Variants in MRPS35 observed in about 807,000 individuals in gnomAD.
MRPS35 encodes the protein small ribosomal subunit protein mS35.
Under a neutral mutation model 32.7 loss-of-function variants are expected in MRPS35, and 29 were observed. That is an observed-to-expected ratio of 0.89 (90% CI 0.66 to 1.21). The LOEUF is 1.21. Among genes scored for constraint, MRPS35 ranks in the 50% most tolerant of loss-of-function variants. MRPS35 has a pLI of 0.00. For missense variants in MRPS35, 373 were observed against 383.8 expected (o/e 0.97, Z 0.23); for synonymous variants, 148 against 139.3 (o/e 1.06, Z -0.44).
intron 5 of MRPS35, among the ~76,000 whole-genome samples, chr12:27,728,373 T>C (rs1405402097): frequency 1.3e-5 from 2 of 152,106 alleles, no homozygotes; most frequent in Non-Finnish European, 2.9e-5. Context: ...ATTTAGTAAT[T>C]AATATTTTGA....
intron 6 of MRPS35, among the ~76,000 whole-genome samples, chr12:27,736,553 G>A (rs530786379): frequency 6.6e-6 from 1 of 151,094 alleles, no homozygotes; most frequent in Non-Finnish European, 1.5e-5. Flanking sequence ...TATGTTTTAT[G>A]GTAACTATTT....
intron 5 of MRPS35, among the ~76,000 whole-genome samples, chr12:27,728,509 C>T (rs1342268662): frequency 6.6e-6 from 1 of 151,976 alleles, no homozygotes; most frequent in African/African-American, 2.4e-5. Context: ...TATTTAATTC[C>T]AATACTATTA....
intron 4 of MRPS35, among the ~76,000 whole-genome samples, chr12:27,721,552 G>A (rs1056304650): frequency 2.0e-5 from 3 of 152,046 alleles, no homozygotes; most frequent in South Asian, 2.1e-4. Context: ...CCGGCTACTC[G>A]GGGGCCTGAG....
In MRPS35 at chr12:27,755,351, G is replaced by A. The variant is rs775199801; in HGVS notation, c.873G>A (p.Glu291=). 7 of 1,603,730 alleles carry A rather than the reference G, an allele frequency of 4.4e-6. No individual in the cohort carries two copies. The highest frequency in any genetic ancestry group is 5.9e-6 in the Non-Finnish European group (7 of 1,177,046). ...TCCTTGGTACTAAAGAAATTGAAGA[G>A]TACAAAAAGTCTGTTGTTAGTCTTA... is the stretch of plus-strand genomic sequence containing the variant. The part of the protein sequence containing the change: ...EELLGTKEIE[E]YKKSVVSLKN... The change falls in exon 8 of 8, where the codon GAG becomes GAA. Residue 291 remains glutamate, a synonymous_variant. Transcript: ENST00000081029.
At chr12:27,754,675 G>A (rs2062019046) in intron 7 of MRPS35, among the ~76,000 whole-genome samples, 1 of 150,800 alleles carries the variant, frequency 6.6e-6, no homozygotes, top group African/African-American at 2.5e-5. Flanking sequence ...CCTGAGGTGG[G>A]AGAATCACCT....
At chr12:27,733,001 T>G (rs1230274892) in intron 5 of MRPS35, among the ~76,000 whole-genome samples, 29 of 15,090 alleles carry the variant, frequency 1.9e-3, no homozygotes, top group Middle Eastern at 0.025. Flanking sequence ...TATATATATA[T>G]ATATATATAT....
intron 7 of MRPS35, among the ~76,000 whole-genome samples, chr12:27,749,013 A>G (rs1444277870): frequency 6.6e-6 from 1 of 152,238 alleles, no homozygotes; most frequent in Non-Finnish European, 1.5e-5. Context: ...ATAGTGAACT[A>G]TAAGTCAGGG....
chr12:27,725,798 C>CTTTTTTTTTTTTTTTTTTTTTTTT (rs1176188580), intron 5 of MRPS35: 1 of 68,242 alleles, frequency 1.5e-5, no homozygotes, highest in Non-Finnish European at 2.4e-5. Context: ...CCTTGTATAC[C>CTTTTTTTTTTTTTTTTTTTTTTTT]TTTTTTTTTT....
At chr12:27,711,663 C>T (rs963336431) in intron 1 of MRPS35, among the ~76,000 whole-genome samples, 4 of 151,824 alleles carry the variant, frequency 2.6e-5, no homozygotes, top group Admixed American at 2.6e-4. Flanking sequence ...AGGTGACCAT[C>T]TCATTTCTAC....
intron 7 of MRPS35, chr12:27,752,889 A>G (rs368823379): frequency 1.1e-4 from 16 of 152,310 alleles, no homozygotes; most frequent in East Asian, 9.6e-4. Flanking sequence ...GTCTAAAGGT[A>G]GTGAGTTATC....
rs527669453 is a variant in MRPS35 at position 27,714,968 on chromosome 12, G to A, written c.153+148G>A. ...ATTGCCATAGCCCTGGCAGAGGTTA[G>A]TCTTTGTTTTTTGTCAGTACCCAGA... On this transcript the variant is annotated intron_variant, in intron 2 of 7. Transcript: ENST00000081029. 441 of 665,978 alleles carry A rather than the reference G, an allele frequency of 6.6e-4. 2 individuals are homozygous for A. The highest frequency in any genetic ancestry group is 9.3e-4 in the Non-Finnish European group (366 of 391,532). 41.3% of individuals were successfully genotyped at this position (665,978 alleles called of 1,614,324 possible). A position where few individuals can be genotyped will look rare whatever the true frequency, so the allele number is the denominator to read the frequency against.
intron 5 of MRPS35, among the ~76,000 whole-genome samples, chr12:27,731,034 A>G (rs922560214): frequency 6.6e-6 from 1 of 152,192 alleles, no homozygotes; most frequent in Non-Finnish European, 1.5e-5. Context: ...TTATATCAGT[A>G]TGGACTCATG....
At chr12:27,738,424 G>A (rs1279525610) in intron 7 of MRPS35, among the ~76,000 whole-genome samples, 2 of 152,122 alleles carry the variant, frequency 1.3e-5, no homozygotes, top group African/African-American at 4.8e-5. Context: ...GATTAGTAAT[G>A]CTAAACCTGT....
chr12:27,716,382 C>CA lies in MRPS35; in HGVS notation c.245_246insA (p.Leu83SerfsTer38). On this transcript the variant is annotated frameshift_variant, in exon 3 of 8. Transcript: ENST00000081029. LOFTEE classifies it high-confidence loss of function. ...GCACCATTTAAACCCTCTGCAGTAC[C>CA]TCTTCCTGTTCGAATGGGTTATCCA... 6.2e-7 allele frequency: 1 copy of CA among 1,614,192 alleles called. No homozygotes were observed. The highest frequency in any genetic ancestry group is 1.3e-5 in the African/African-American group (1 of 75,048).
chr12:27,715,508 G>A (rs1409335151), intron 2 of MRPS35, among the ~76,000 whole-genome samples: 1 of 152,144 alleles, frequency 6.6e-6, no homozygotes, highest in Non-Finnish European at 1.5e-5. Flanking sequence ...GTGGACATTT[G>A]GATTCCTTAC....
chr12:27,726,461 G>A (rs1014158809), intron 5 of MRPS35, among the ~76,000 whole-genome samples: 7 of 152,024 alleles, frequency 4.6e-5, no homozygotes, highest in African/African-American at 1.7e-4. Flanking sequence ...TCACATACAG[G>A]TTTTTGTGTA....
At chr12:27,716,533 T>C in intron 3 of MRPS35, 75 bp downstream of exon 3, 1 of 1,472,750 alleles carries the variant, frequency 6.8e-7, no homozygotes, top group African/African-American at 1.4e-5. Context: ...ATTTCTGCTC[T>C]CTTATGCTTC....
intron 7 of MRPS35, 80 bp downstream of exon 7, chr12:27,737,688 G>C (rs1006622530): frequency 9.0e-7 from 1 of 1,108,898 alleles, no homozygotes; most frequent in Admixed American, 1.9e-5. Context: ...TTTGTGGCAA[G>C]TACTCAACTG....
At chr12:27,744,488 C>T (rs2061975351) in intron 7 of MRPS35, among the ~76,000 whole-genome samples, 2 of 152,086 alleles carry the variant, frequency 1.3e-5, no homozygotes, top group African/African-American at 4.8e-5. Flanking sequence ...TTTTACATTA[C>T]TTTGTAAGTT....
Sources: gnomAD v4.1 joint callset for allele counts (sites outside exome capture counted in the v4.1 genomes callset) on GRCh38, gnomAD v4.1.1 for gene constraint, MANE v1.5 for transcripts, NCBI Gene and HGNC (gene_info 2026-07-23, HGNC 2026-07-21) for gene names.